GRM4: variants seen among roughly 807,000 people sequenced by gnomAD.
GRM4 encodes glutamate metabotropic receptor 4.
In GRM4, 28 loss-of-function variants were observed where a neutral mutation model predicts 81.7. That is an observed-to-expected ratio of 0.34 (90% CI 0.25 to 0.47). The LOEUF is 0.47. GRM4 is among the 20% of genes least tolerant of loss of function. GRM4 has a pLI of 1.00. For synonymous variants in GRM4, 488 were observed against 528.8 expected, an observed-to-expected ratio of 0.92 and a Z score of 1.06; for missense variants, 948 against 1,290.0, an observed-to-expected ratio of 0.73 and a Z score of 4.06.
intron 2 of GRM4, among the ~76,000 whole-genome samples, chr6:34,132,225 A>G (rs929317469): frequency 6.6e-6 from 1 of 152,156 alleles, no homozygotes; most frequent in South Asian, 2.1e-4. Flanking sequence ...TGTGCATGGA[A>G]GAAGGGCAGA....
intron 5 of GRM4, 99 bp from the exon 6 acceptor site, chr6:34,056,783 G>GGA: frequency 7.5e-7 from 1 of 1,328,212 alleles, no homozygotes; most frequent in Non-Finnish European, 1.0e-6. Flanking sequence ...CCAGGCGGAG[G>GGA]GAGAGAGACC....
At chr6:34,039,360 C>T (rs760307222) in intron 8 of GRM4, among the ~76,000 whole-genome samples, 8 of 152,182 alleles carry the variant, frequency 5.3e-5, no homozygotes, top group East Asian at 1.9e-4. Flanking sequence ...GCAGCACCCA[C>T]GGGATCCCAG....
Position 34,064,130 on chromosome 6 carries a change from T to C in GRM4, c.737-2102A>G, listed in dbSNP as rs1188338033. 2.6e-5 allele frequency among the ~76,000 whole-genome samples: 4 copies of C among 152,084 alleles called. No homozygotes were observed. The highest frequency in any genetic ancestry group is 7.2e-5 in the African/African-American group (3 of 41,392). The stretch of plus-strand genomic sequence containing the variant: ...GGAGTGTGAGTGAGCCACAAGCAAC[T>C]TGAGATGCAAGTGCAGTCTGAGGAG... On this transcript the variant is annotated intron_variant, in intron 3 of 10. Transcript: ENST00000538487. This position sits in a 1 kb window ranked among gnomAD's most constrained non-coding sequence, Gnocchi z 4.4.
chr6:34,128,265 T>A (rs1348735398), intron 2 of GRM4, among the ~76,000 whole-genome samples: 1 of 152,100 alleles, frequency 6.6e-6, no homozygotes, highest in Non-Finnish European at 1.5e-5. Flanking sequence ...CCGGAGTCCC[T>A]CATGCTGACT....
chr6:34,133,304 T>C lies in GRM4; in HGVS notation c.193A>G (p.Lys65Glu). The change falls in exon 2 of 11, where the codon AAG (lysine) becomes GAG (glutamate). Residue 65 changes from lysine (K) to glutamate (E), a missense_variant. Physicochemically the swap from Lys to Glu is moderately conservative, Grantham distance 56. Transcript: ENST00000538487. The surrounding 1 kb of genome is among the most constrained non-coding windows in gnomAD (Gnocchi z 6.5). ...FPVHGRGSEG[K>E]PCGELKKEKG... ...TCCTTCTTAAGTTCTCCACAGGGCT[T>C]GCCCTCTGAGCCCCGGCCATGCACC... 6.2e-7 allele frequency: 1 copy of C among 1,614,104 alleles called. No individual in the cohort carries two copies. The highest frequency in any genetic ancestry group is 8.5e-7 in the Non-Finnish European group (1 of 1,179,988).
intron 1 of GRM4, among the ~76,000 whole-genome samples, chr6:34,141,372 C>T (rs914292195): frequency 4.6e-5 from 7 of 152,316 alleles, no homozygotes; most frequent in Admixed American, 2.0e-4. Context: ...CCCCAAATGG[C>T]GTGGGCTGGC....
At chr6:34,142,017 C>T (rs1273071944) in intron 1 of GRM4, among the ~76,000 whole-genome samples, 1 of 152,174 alleles carries the variant, frequency 6.6e-6, no homozygotes, top group African/African-American at 2.4e-5. Context: ...GCAGCAAAAC[C>T]CTCTAACTTA....
intron 9 of GRM4, among the ~76,000 whole-genome samples, chr6:34,032,062 T>C (rs763335335): frequency 7.8e-4 from 117 of 150,942 alleles, no homozygotes; most frequent in Admixed American, 2.7e-3. Flanking sequence ...TCTACACACA[T>C]CCACCTGCAC....
chr6:34,070,521 T>C lies in GRM4; in HGVS notation c.737-8493A>G, dbSNP rs1766762690. 6.6e-6 allele frequency among the ~76,000 whole-genome samples: 1 copy of C among 151,942 alleles called. No individual in the cohort carries two copies. The highest frequency in any genetic ancestry group is 1.5e-5 in the Non-Finnish European group (1 of 67,984). On this transcript the variant is annotated intron_variant, in intron 3 of 10. Transcript: ENST00000538487. The surrounding 1 kb of genome is among the most constrained non-coding windows in gnomAD (Gnocchi z 4.6). ...CGATAGGGCTAGTGTGAGGGCCCAG[T>C]GTAGTGGTGTTTGTGCAGGTCTGCC...
chr6:34,125,944 G>C (rs752431694), intron 2 of GRM4, among the ~76,000 whole-genome samples: 8 of 152,182 alleles, frequency 5.3e-5, no homozygotes, highest in Non-Finnish European at 1.0e-4. Flanking sequence ...GAGCACTCCA[G>C]CATCTATTGA....
chr6:34,029,446 C>T (rs911576866), intron 9 of GRM4, among the ~76,000 whole-genome samples: 1 of 152,152 alleles, frequency 6.6e-6, no homozygotes, highest in African/African-American at 2.4e-5. Context: ...GGCAGTACCC[C>T]CCATGTAGGG....
At chr6:34,146,733 G>A (rs538028556), upstream of GRM4, among the ~76,000 whole-genome samples, 303 of 152,284 alleles carry the variant, frequency 2.0e-3, 3 homozygotes, top group South Asian at 6.2e-4. Context: ...TCAGTACCTC[G>A]ACCCCCGGCT....
In GRM4 at chr6:34,040,605, T is replaced by C. The variant is rs756908198; in HGVS notation, c.1312A>G (p.Met438Val). ...AGCTGGGTGCCATCTACAGGGTCCA[T>C]GCGCGGGCAGAGCCCCACGCGGCCG... ...CPGRVGLCPR[M>V]DPVDGTQLLK... Residue 438 changes from methionine to valine, a missense_variant, in exon 7 of 11, where the codon ATG becomes GTG. Met to Val is a conservative substitution (Grantham distance 21). Coordinates refer to ENST00000538487, the MANE Select transcript of GRM4 (RefSeq NM_000841.4). 5 of 1,614,024 alleles carry C rather than the reference T, an allele frequency of 3.1e-6. No individual in the cohort carries two copies. The highest frequency in any genetic ancestry group is 2.2e-5 in the East Asian group (1 of 44,898).
In GRM4 at chr6:34,133,749, C is replaced by T. The variant is rs560459759; in HGVS notation, c.-253G>A. On this transcript the variant is annotated 5_prime_UTR_variant, in exon 2 of 11. Coordinates refer to ENST00000538487, the MANE Select transcript of GRM4 (RefSeq NM_000841.4). The surrounding 1 kb of genome is among the most constrained non-coding windows in gnomAD (Gnocchi z 6.5). ...TGCAGGAAGGCTCTGATCCTTGTCC[C>T]GTCCTGCAGGCCTGTTCTCGGTGGA... 9 of 1,253,776 alleles carry T rather than the reference C, an allele frequency of 7.2e-6. No homozygotes were observed. Among genetic ancestry groups the T allele is most frequent in the East Asian group, 6.3e-5 (2 of 31,752 alleles). The allele number at this position is 1,253,776 out of a possible 1,614,324, so 77.7% of individuals were successfully genotyped here.
In GRM4 at chr6:34,121,348, T is replaced by C. The variant is rs116168715; in HGVS notation, c.519+11630A>G. Among the ~76,000 whole-genome samples the C allele has an allele frequency of 0.021, 3,158 of 152,250 alleles. 81 individuals are homozygous for C. Among genetic ancestry groups the C allele is most frequent in the African/African-American group, 0.059 (2,430 of 41,508 alleles). On this transcript the variant is annotated intron_variant, in intron 2 of 10. Transcript: ENST00000538487. This position sits in a 1 kb window ranked among gnomAD's most constrained non-coding sequence, Gnocchi z 4.6. ...CCCTGACAGCTTCCAGAGCCTGAGC[T>C]GGGAAGGAGAGAGAAGACTGCACTG...
At chr6:34,147,587 G>A (rs1403932353), upstream of GRM4, among the ~76,000 whole-genome samples, 4 of 152,246 alleles carry the variant, frequency 2.6e-5, no homozygotes, top group African/African-American at 7.2e-5. Flanking sequence ...AGAACTGCAG[G>A]TATGGGGTGT....
chr6:34,026,766 G>A (rs544112722), intron 10 of GRM4, among the ~76,000 whole-genome samples: 18 of 152,260 alleles, frequency 1.2e-4, no homozygotes, highest in South Asian at 4.1e-4. Flanking sequence ...CACAGCACCC[G>A]CGGTGTCACC....
intron 2 of GRM4, among the ~76,000 whole-genome samples, chr6:34,122,335 T>G (rs190713085): frequency 1.3e-5 from 2 of 151,944 alleles, no homozygotes; most frequent in Non-Finnish European, 2.9e-5. Context: ...AAGCTGGGGA[T>G]AGACAGACAG....
rs1314160735 is a variant in GRM4, at chr6:34,152,646, C to A, written c.312+2433G>T. 6.6e-6 allele frequency among the ~76,000 whole-genome samples: 1 copy of A among 152,224 alleles called. No homozygotes were observed. Among genetic ancestry groups the A allele is most frequent in the Non-Finnish European group, 1.5e-5 (1 of 68,040 alleles). On this transcript the variant is annotated intron_variant, in intron 1 of 8. Transcript: ENST00000374177. This position sits in a 1 kb window ranked among gnomAD's most constrained non-coding sequence, Gnocchi z 4.1. ...CAGTGCTGGGGAAGAAAAGCCCACA[C>A]GCCAGCTCCTACCCTCGTGGGCTGC...
Sources: allele counts gnomAD v4.1 joint callset (sites outside exome capture counted in the v4.1 genomes callset), GRCh38; gene constraint gnomAD v4.1.1; non-coding constraint Gnocchi (gnomAD v3.1); transcripts MANE v1.5; gene names NCBI Gene and HGNC (gene_info 2026-07-23, HGNC 2026-07-21).